The following ZCWPW1 variants were observed in gnomAD, a reference collection of about 807,000 sequenced individuals.
ZCWPW1 encodes the protein zinc finger CW-type PWWP domain protein 1.
A neutral mutation model predicts 81.3 loss-of-function variants in ZCWPW1; 56 were observed. The ratio of observed to expected loss-of-function variants is 0.69; its 90% CI spans 0.56 to 0.86. The LOEUF (loss-of-function observed/expected upper bound fraction) is 0.86. Ranked by LOEUF, ZCWPW1 falls within the 40% of genes least tolerant of loss-of-function variation. The pLI is 0.00. For missense variants in ZCWPW1, 650 were observed against 769.8 expected (o/e 0.84, Z 1.84); for synonymous variants, 250 against 273.7 (o/e 0.91, Z 0.86).
intron 1 of ZCWPW1, among the ~76,000 whole-genome samples, chr7:100,428,099 G>C (rs1278866425): frequency 2.0e-5 from 3 of 152,136 alleles, no homozygotes; most frequent in Non-Finnish European, 2.9e-5. Context: ...CAGGCAACGG[G>C]TGCCAGGACT....
chr7:100,405,725 T>C (rs1035913770), intron 12 of ZCWPW1, among the ~76,000 whole-genome samples: 3 of 152,102 alleles, frequency 2.0e-5, no homozygotes, highest in African/African-American at 4.8e-5. Flanking sequence ...TCCACCTCCC[T>C]GGTTCAAGCA....
intron 14 of ZCWPW1, 66 bp downstream of exon 14, chr7:100,404,112 G>C: frequency 6.6e-7 from 1 of 1,504,986 alleles, no homozygotes; most frequent in African/African-American, 1.4e-5. Flanking sequence ...AGAAAAACAT[G>C]GGTTGCTGCC....
chr7:100,419,828 G>C lies in ZCWPW1; in HGVS notation c.84C>G (p.Ser28Arg), dbSNP rs760861934. The C allele has an allele frequency of 8.7e-6, 14 of 1,600,118 alleles. No homozygotes were observed. The highest frequency in any genetic ancestry group is 8.1e-5 in the African/African-American group (6 of 73,916). The part of the protein sequence containing the change: ...IFAPPAQKSY[S>R]LLPCSPNSPK... ...GGGAGTTAGGGCTACAAGGTAACAG[G>C]CTGTAAGATTTTTGTGCAGGTGGGG... Residue 28 changes from serine (S) to arginine (R), a missense_variant, in exon 4 of 18, where the codon AGC becomes AGG. Coordinates refer to ENST00000684423, the MANE Select transcript of ZCWPW1 (RefSeq NM_001386010.1).
chr7:100,418,368 G>C (rs1795738141), intron 5 of ZCWPW1, among the ~76,000 whole-genome samples: 1 of 152,134 alleles, frequency 6.6e-6, no homozygotes, highest in South Asian at 2.1e-4. Context: ...TAAAAATTTA[G>C]GGCCAGGCAC....
Position 100,418,985 on chromosome 7 carries a change from G to A in ZCWPW1, c.361+126C>T, listed in dbSNP as rs2130789279. On this transcript the variant is annotated intron_variant, in intron 5 of 17. Coordinates refer to ENST00000684423, the MANE Select transcript of ZCWPW1 (RefSeq NM_001386010.1). The stretch of plus-strand genomic sequence containing the variant: ...TGAAGTATTTTTAAAATATGTTGAA[G>A]TCTCATCTAATATTACCTTATTTAG... 3 of 710,838 alleles carry A rather than the reference G, an allele frequency of 4.2e-6. 1 individual carries two copies. The East Asian group carries it at 7.9e-5, about 19-fold the overall frequency. The allele number at this position is 710,838 out of a possible 1,614,324, so 44.0% of individuals were successfully genotyped here.
At position 100,402,527 on chromosome 7, in the gene ZCWPW1, G is replaced by T. The variant is rs375737733; in HGVS notation, c.1463C>A (p.Thr488Asn). 6 of 1,614,060 alleles carry T rather than the reference G, an allele frequency of 3.7e-6. No individual in the cohort carries two copies. The highest frequency in any genetic ancestry group is 2.7e-5 in the African/African-American group (2 of 75,000). Residue 488 changes from threonine (T) to asparagine (N), a missense_variant, in exon 16 of 18, where the codon ACC (threonine) becomes AAC (asparagine). Physicochemically the swap from Thr to Asn is moderately conservative, Grantham distance 65 (BLOSUM62 0). Transcript: ENST00000684423. ...GCTGGCCTGCTTACCTCTTGGCTTG[G>T]TTTTTTGGGTCTGTATTTTGACTCG... is the stretch of plus-strand genomic sequence containing the variant. ...RKRVKIQTQK[T>N]KPRGLGGDAG... is the part of the protein sequence containing the mutation.
At chr7:100,428,014 G>C (rs1394803337) in intron 1 of ZCWPW1, among the ~76,000 whole-genome samples, 1 of 149,164 alleles carries the variant, frequency 6.7e-6, no homozygotes, top group Admixed American at 6.7e-5. Flanking sequence ...TTTTTTTTTT[G>C]TCTGTTTCTT....
chr7:100,412,754 T>G (rs370734344), intron 8 of ZCWPW1, among the ~76,000 whole-genome samples: 1 of 152,126 alleles, frequency 6.6e-6, no homozygotes, highest in African/African-American at 2.4e-5. Flanking sequence ...GCTAATTTTT[T>G]GTATTTTTAG....
At chr7:100,420,762 T>C (rs1188836119) in intron 2 of ZCWPW1, 84 bp from the exon 3 acceptor site, 4 of 1,338,010 alleles carry the variant, frequency 3.0e-6, no homozygotes, top group African/African-American at 1.4e-5. Context: ...AGAAACTCTT[T>C]GTTTCAGACC....
chr7:100,409,343 G>C (rs761559512), intron 9 of ZCWPW1, 85 bp downstream of exon 9: 14 of 1,063,948 alleles, frequency 1.3e-5, no homozygotes, highest in African/African-American at 6.3e-5. Flanking sequence ...CTATATTTAC[G>C]TAGTATTTAA....
chr7:100,404,330 G>T, intron 13 of ZCWPW1, 86 bp from the exon 14 acceptor site: 1 of 1,212,552 alleles, frequency 8.2e-7, no homozygotes, highest in Non-Finnish European at 1.2e-6. Flanking sequence ...TAGTTATGAT[G>T]AAATTCTGAT....
At chr7:100,406,591 C>T (rs1793056447) in intron 12 of ZCWPW1, 103 bp downstream of exon 12, 4 of 1,106,354 alleles carry the variant, frequency 3.6e-6, no homozygotes, top group South Asian at 2.8e-5. Flanking sequence ...TGGTCAGACA[C>T]AGAACTTTCT....
At chr7:100,408,401 A>T in intron 10 of ZCWPW1, 138 bp downstream of exon 10, 1 of 1,249,202 alleles carries the variant, frequency 8.0e-7, no homozygotes, top group Non-Finnish European at 1.1e-6. Flanking sequence ...TTGGTACTTT[A>T]TCTTTTCTCT....
chr7:100,408,609 C>T lies in ZCWPW1; in HGVS notation c.922G>A (p.Glu308Lys). The change falls in exon 10 of 18, where the codon GAG becomes AAG. Residue 308 changes from glutamate (E) to lysine (K), a missense_variant. Physicochemically the swap from Glu to Lys is moderately conservative, Grantham distance 56. Coordinates refer to ENST00000684423, the MANE Select transcript of ZCWPW1 (RefSeq NM_001386010.1). ...TAGGAGGCATAGGCCACATCACTCT[C>T]AAGCCCTGTCCAGGTCTCCTCAGGA... ...DIPEETWTGL[E>K]SDVAYASYIP... 6.2e-7 allele frequency: 1 copy of T among 1,614,092 alleles called. No individual in the cohort carries two copies.
intron 8 of ZCWPW1, among the ~76,000 whole-genome samples, chr7:100,414,382 T>G (rs1179565770): frequency 6.6e-6 from 1 of 152,202 alleles, no homozygotes; most frequent in Non-Finnish European, 1.5e-5. Flanking sequence ...GGGTTTTTGT[T>G]TTTGTTTGGT....
intron 12 of ZCWPW1, among the ~76,000 whole-genome samples, chr7:100,405,591 C>T (rs1390835414): frequency 1.3e-5 from 2 of 152,116 alleles, no homozygotes; most frequent in Non-Finnish European, 2.9e-5. Context: ...TCGGACATAA[C>T]ACCCCCCTTC....
At chr7:100,420,341 C>A (rs2130811853) in intron 3 of ZCWPW1, among the ~76,000 whole-genome samples, 1 of 152,332 alleles carries the variant, frequency 6.6e-6, no homozygotes, top group South Asian at 2.1e-4. Flanking sequence ...GTATATCTTT[C>A]TTTGAGCTTC....
At chr7:100,405,177 C>A in intron 12 of ZCWPW1, 84 bp from the exon 13 acceptor site, 2 of 1,361,828 alleles carry the variant, frequency 1.5e-6, no homozygotes, top group Non-Finnish European at 2.0e-6. Flanking sequence ...CACCTGTAAT[C>A]CCAGCACTTT....
chr7:100,408,723 G>C (rs1793565946), intron 9 of ZCWPW1, 64 bp from the exon 10 acceptor site: 3 of 1,563,234 alleles, frequency 1.9e-6, no homozygotes, highest in Admixed American at 1.9e-5. Context: ...AGCTGGATGA[G>C]AGCTGGGGAG....
Sources: gnomAD v4.1 joint callset for allele counts (sites outside exome capture counted in the v4.1 genomes callset) on GRCh38, gnomAD v4.1.1 for gene constraint, MANE v1.5 for transcripts, NCBI Gene and HGNC (gene_info 2026-07-23, HGNC 2026-07-21) for gene names.